Variants in HMCN1 observed in about 807,000 individuals in gnomAD.
HMCN1 encodes hemicentin 1, also known as hemicentin-1.
HMCN1 carries 321 observed loss-of-function variants against 625.9 expected under a neutral mutation model. The observed-to-expected ratio is 0.51, with a 90% CI of 0.47 to 0.56. The LOEUF (loss-of-function observed/expected upper bound fraction) is 0.56, where lower values mean the gene tolerates loss of function less well. Among genes scored for constraint, HMCN1 ranks in the 20% least tolerant of loss-of-function variants. The pLI is 0.00. For synonymous variants in HMCN1, 2,425 were observed against 2,417.6 expected, an observed-to-expected ratio of 1.00 and a Z score of -0.09; for missense variants, 6,588 against 6,887.3, an observed-to-expected ratio of 0.96 and a Z score of 1.54.
At chr1:185,751,315 C>T (rs1315021184) in intron 1 of HMCN1, among the ~76,000 whole-genome samples, 17 of 152,128 alleles carry the variant, frequency 1.1e-4, no homozygotes, top group African/African-American at 3.6e-4. Flanking sequence ...TAACTTAGCC[C>T]ATTGAAGATA....
chr1:186,042,835 C>T (rs1016890799), intron 40 of HMCN1, among the ~76,000 whole-genome samples: 6 of 151,868 alleles, frequency 4.0e-5, no homozygotes, highest in Non-Finnish European at 8.8e-5. Context: ...CTAATTAGAG[C>T]CTAATGAATG....
At position 186,103,454 on chromosome 1, in the gene HMCN1, T is replaced by C. The variant is rs73040692; in HGVS notation, c.10574-18T>C. ...TGAAACTGTGGGTTTATTATTATTT[T>C]TGATTCCCTTTAAATAGAACCACCT... On this transcript the variant is annotated intron_variant, in intron 68 of 106. Coordinates refer to ENST00000271588, the MANE Select transcript of HMCN1 (RefSeq NM_031935.3). The C allele has an allele frequency of 1.2e-4, 188 of 1,600,256 alleles. 1 individual carries two copies. In the African/African-American group the frequency reaches 2.4e-3, roughly 20 times the overall value.
At chr1:185,958,042 A>G (rs546178140) in intron 11 of HMCN1, among the ~76,000 whole-genome samples, 1 of 152,330 alleles carries the variant, frequency 6.6e-6, no homozygotes, top group East Asian at 1.9e-4. Context: ...CAGATTTCAG[A>G]AGAATTAAAT....
intron 89 of HMCN1, among the ~76,000 whole-genome samples, chr1:186,140,910 TG>T (rs1418373461): frequency 1.3e-5 from 2 of 151,984 alleles, no homozygotes; most frequent in East Asian, 1.9e-4. Context: ...GATCGAGGGT[TG>T]GGGGGATGGC....
rs1652564939 is a variant in HMCN1, at chr1:185,993,329, CAT to C, written c.3505+23_3505+24del. On this transcript the variant is annotated intron_variant, in intron 23 of 106. Transcript: ENST00000271588. Reference sequence around the variant, plus strand: ...TCCATGGTGAGTCTTGAAATGAGAACATATGACAACCCTGTGGACTGGCCACA... The same window carrying C: ...TCCATGGTGAGTCTTGAAATGAGAACATGACAACCCTGTGGACTGGCCACA... 6.2e-7 allele frequency: 1 copy of C among 1,611,462 alleles called. No individual in the cohort carries two copies. The highest frequency in any genetic ancestry group is 1.7e-5 in the Admixed American group (1 of 59,898).
intron 99 of HMCN1, 92 bp downstream of exon 99, chr1:186,166,395 A>G: frequency 6.7e-6 from 10 of 1,487,186 alleles, no homozygotes; most frequent in African/African-American, 4.2e-5. Context: ...CTTCTTTCCT[A>G]CTACTTCTGC....
At chr1:186,141,526 G>A (rs1012347622) in intron 89 of HMCN1, among the ~76,000 whole-genome samples, 8 of 152,180 alleles carry the variant, frequency 5.3e-5, no homozygotes, top group Admixed American at 2.0e-4. Flanking sequence ...TGATATCTTC[G>A]GTGATGGCCT....
intron 1 of HMCN1, among the ~76,000 whole-genome samples, chr1:185,783,510 C>T (rs775303550): frequency 1.1e-4 from 16 of 152,062 alleles, no homozygotes; most frequent in South Asian, 2.1e-4. Flanking sequence ...TGGTGACGTA[C>T]GGATGGGGTT....
intron 36 of HMCN1, among the ~76,000 whole-genome samples, chr1:186,036,778 G>A (rs1448308380): frequency 6.6e-6 from 1 of 151,820 alleles, no homozygotes; most frequent in African/African-American, 2.4e-5. Context: ...TTTTAGTAGA[G>A]ATGGGATTTC....
In HMCN1 at chr1:186,145,851, C is replaced by A. The variant is rs1275985805; in HGVS notation, c.14536C>A (p.Pro4846Thr). 11 of 1,613,816 alleles carry A rather than the reference C, an allele frequency of 6.8e-6. No homozygotes were observed. Residue 4846 changes from proline (P) to threonine (T), a missense_variant, in exon 93 of 107, where the codon CCA becomes ACA. This residue lies in a region of HMCN1 where 1,954 missense variants were observed against 2,013.1 expected (regional missense o/e 0.97). Transcript: ENST00000271588. ...TRKRLCDHPVPVKGGRPCPGD... is the reference protein window; with the variant it reads ...TRKRLCDHPVTVKGGRPCPGD... Reference sequence around the variant, plus strand: ...GAAGCGGCTGTGCGACCATCCTGTGCCAGTTAAAGGTGGCCGTCCCTGTCC... The same window carrying A: ...GAAGCGGCTGTGCGACCATCCTGTGACAGTTAAAGGTGGCCGTCCCTGTCC...
chr1:186,068,178 G>A (rs1166313294), intron 50 of HMCN1, among the ~76,000 whole-genome samples, 171 bp downstream of exon 50: 1 of 152,116 alleles, frequency 6.6e-6, no homozygotes, highest in Non-Finnish European at 1.5e-5. Context: ...ATGGCTCAGG[G>A]ATTGGGACCC....
chr1:185,744,861 G>A (rs572964703), intron 1 of HMCN1, among the ~76,000 whole-genome samples: 7 of 152,226 alleles, frequency 4.6e-5, no homozygotes, highest in African/African-American at 1.7e-4. Flanking sequence ...GACATGATTG[G>A]GTTTTTATTT....
In HMCN1 at chr1:186,145,862, T is replaced by C. The variant is rs768675698; in HGVS notation, c.14547T>C (p.Gly4849=). ...GCGACCATCCTGTGCCAGTTAAAGG[T>C]GGCCGTCCCTGTCCCGGAGACACTA... ...RLCDHPVPVK[G]GRPCPGDTTQ... The change falls in exon 93 of 107, where the codon GGT becomes GGC. Residue 4849 remains glycine, a synonymous_variant. Transcript: ENST00000271588. 7.2e-5 allele frequency: 116 copies of C among 1,613,882 alleles called. No individual in the cohort carries two copies. The highest frequency in any genetic ancestry group is 9.6e-5 in the Non-Finnish European group (113 of 1,179,990).
intron 1 of HMCN1, among the ~76,000 whole-genome samples, chr1:185,743,456 G>C (rs143714847): frequency 3.3e-5 from 5 of 152,304 alleles, no homozygotes; most frequent in East Asian, 1.9e-4. Flanking sequence ...TCTAAAGCAG[G>C]TGATTTTGTT....
chr1:185,939,930 G>A (rs551517252), intron 11 of HMCN1, among the ~76,000 whole-genome samples: 6 of 152,222 alleles, frequency 3.9e-5, no homozygotes, highest in African/African-American at 1.4e-4. Flanking sequence ...ATAAATGGAA[G>A]TATAGATTAT....
intron 41 of HMCN1, among the ~76,000 whole-genome samples, chr1:186,046,342 A>G (rs1277679626): frequency 6.6e-6 from 1 of 152,026 alleles, no homozygotes; most frequent in African/African-American, 2.4e-5. Flanking sequence ...GGTGACATGC[A>G]CCGGTAATCC....
chr1:186,015,849 T>G (rs1045491890), intron 31 of HMCN1, 109 bp from the exon 32 acceptor site: 2 of 1,062,574 alleles, frequency 1.9e-6, no homozygotes, highest in Non-Finnish European at 2.9e-6. Flanking sequence ...TAGGTAGATT[T>G]TAATGGTCAA....
In HMCN1 at chr1:185,911,694, T is replaced by G. The variant is rs185991662; in HGVS notation, c.814T>G (p.Phe272Val). Reference sequence around the variant, plus strand: ...TTCAGGGAAGCTGATAAAAAAGGGATTTGGCCTGCATGAGCTATTAAATAT... The same window carrying G: ...TTCAGGGAAGCTGATAAAAAAGGGAGTTGGCCTGCATGAGCTATTAAATAT... ...NPLGKLIKKGFGLHELLNIHN... is the reference protein window; with the variant it reads ...NPLGKLIKKGVGLHELLNIHN... The change falls in exon 6 of 107, where the codon TTT (phenylalanine) becomes GTT (valine). Residue 272 changes from phenylalanine (F) to valine (V), a missense_variant. This residue lies in a region of HMCN1 where 4,628 missense variants were observed against 4,853.1 expected (regional missense o/e 0.95). Transcript: ENST00000271588. 1.9e-6 allele frequency: 3 copies of G among 1,612,868 alleles called. No homozygotes were observed. The Admixed American group carries it at 5.0e-5, about 27-fold the overall frequency.
chr1:185,947,580 A>C (rs1368054079), intron 11 of HMCN1, among the ~76,000 whole-genome samples: 1 of 152,244 alleles, frequency 6.6e-6, no homozygotes, highest in East Asian at 1.9e-4. Context: ...ATTCCCATTG[A>C]TGAGATATCA....
Sources: allele counts gnomAD v4.1 joint callset (sites outside exome capture counted in the v4.1 genomes callset), GRCh38; gene constraint gnomAD v4.1.1; regional missense constraint gnomAD v4.1.1; transcripts MANE v1.5; gene names NCBI Gene and HGNC (gene_info 2026-07-23, HGNC 2026-07-21).